The following PTPRO variants were observed in gnomAD, a reference collection of about 807,000 sequenced individuals.
The protein encoded by PTPRO is protein tyrosine phosphatase receptor type O.
In PTPRO, 62 loss-of-function variants were observed where a neutral mutation model predicts 145.2. The observed-to-expected ratio is 0.43, with a 90% confidence interval of 0.35 to 0.53. The LOEUF (loss-of-function observed/expected upper bound fraction) is 0.53. Ranked by LOEUF, PTPRO falls within the 20% of genes least tolerant of loss-of-function variation. PTPRO has a pLI of 0.01. For synonymous variants in PTPRO, 565 were observed against 514.7 expected, an observed-to-expected ratio of 1.10 and a Z score of -1.32; for missense variants, 1,345 against 1,482.7, an observed-to-expected ratio of 0.91 and a Z score of 1.53.
chr12:15,466,781 A>G (rs1941427240), intron 1 of PTPRO, among the ~76,000 whole-genome samples: 1 of 152,124 alleles, frequency 6.6e-6, no homozygotes. Context: ...TTAAATCACT[A>G]CTGTTTCCAC....
At chr12:15,487,638 C>T (rs1163857587) in intron 2 of PTPRO, among the ~76,000 whole-genome samples, 1 of 152,070 alleles carries the variant, frequency 6.6e-6, no homozygotes, top group Non-Finnish European at 1.5e-5. Flanking sequence ...CTCTGGTAGT[C>T]CTCATGAGCA....
intron 23 of PTPRO, among the ~76,000 whole-genome samples, chr12:15,582,711 TTTG>T (rs1565445321): frequency 6.6e-6 from 1 of 152,226 alleles, no homozygotes; most frequent in Non-Finnish European, 1.5e-5. Context: ...TGGGTTTTGT[TTTG>T]TTTTTTTTCT....
chr12:15,424,771 ATC>A (rs1940237933), intron 1 of PTPRO, among the ~76,000 whole-genome samples: 1 of 152,060 alleles, frequency 6.6e-6, no homozygotes. Context: ...CAGAGGAGAC[ATC>A]AGTTGATTTT....
chr12:15,403,747 C>T (rs189198262), intron 1 of PTPRO, among the ~76,000 whole-genome samples: 221 of 152,198 alleles, frequency 1.5e-3, no homozygotes, highest in African/African-American at 5.2e-3. Flanking sequence ...TGGTACTTAG[C>T]TCAATTTATA....
Position 15,589,478 on chromosome 12 carries a change from C to T in PTPRO, c.3434C>T (p.Thr1145Ile). 1 of 1,614,046 alleles carries T rather than the reference C, an allele frequency of 6.2e-7. No individual in the cohort carries two copies. Among genetic ancestry groups the T allele is most frequent in the Non-Finnish European group, 8.5e-7 (1 of 1,179,992 alleles). ...HCSAGVGRTGTFIALDRLLQH... is the reference protein window; with the variant it reads ...HCSAGVGRTGIFIALDRLLQH... ...AGTGCTGGCGTGGGACGGACAGGAA[C>T]ATTCATTGCCCTGGACAGGCTCTTG... The change falls in exon 25 of 27, where the codon ACA becomes ATA. Residue 1145 changes from threonine to isoleucine, a missense_variant. Coordinates refer to ENST00000281171, the MANE Select transcript of PTPRO (RefSeq NM_030667.3).
chr12:15,516,715 C>T, intron 8 of PTPRO, 48 bp from the exon 9 acceptor site: 1 of 1,505,758 alleles, frequency 6.6e-7, no homozygotes, highest in Non-Finnish European at 9.2e-7. Context: ...ATTGCTAAGA[C>T]ATTCCTTCTT....
chr12:15,490,902 T>G (rs2136451453), intron 2 of PTPRO, among the ~76,000 whole-genome samples: 1 of 152,326 alleles, frequency 6.6e-6, no homozygotes, highest in South Asian at 2.1e-4. Flanking sequence ...ATTGAAATTT[T>G]GAGCAGAAAT....
At chr12:15,398,080 A>T (rs1023357055) in intron 1 of PTPRO, among the ~76,000 whole-genome samples, 1 of 152,196 alleles carries the variant, frequency 6.6e-6, no homozygotes, top group African/African-American at 2.4e-5. Flanking sequence ...TGCTGCTCCC[A>T]TCTTTAATGT....
intron 12 of PTPRO, among the ~76,000 whole-genome samples, chr12:15,532,067 A>G (rs1366311781): frequency 6.6e-6 from 1 of 152,130 alleles, no homozygotes; most frequent in African/African-American, 2.4e-5. Context: ...TCCTCAATTT[A>G]CCCAGTAATT....
At chr12:15,517,597 G>A (rs543952038) in intron 9 of PTPRO, among the ~76,000 whole-genome samples, 3 of 152,258 alleles carry the variant, frequency 2.0e-5, no homozygotes, top group African/African-American at 7.2e-5. Flanking sequence ...TCAAAAGCAA[G>A]TTAGTTACTT....
chr12:15,528,138 A>T (rs1591689660), intron 12 of PTPRO, among the ~76,000 whole-genome samples: 3 of 152,068 alleles, frequency 2.0e-5, no homozygotes, highest in African/African-American at 7.2e-5. Flanking sequence ...TGATTCAGGG[A>T]GCTAAAAGCC....
intron 26 of PTPRO, 127 bp downstream of exon 26, chr12:15,595,184 A>G: frequency 4.2e-6 from 3 of 710,270 alleles, no homozygotes; most frequent in Non-Finnish European, 7.5e-6. Context: ...ATTTCTTCCC[A>G]GCTCCTGGCC....
chr12:15,478,020 T>C (rs1941695803), intron 1 of PTPRO, among the ~76,000 whole-genome samples: 1 of 152,172 alleles, frequency 6.6e-6, no homozygotes. Context: ...ACTCAGCTGC[T>C]CTGTGTTTCT....
At chr12:15,468,155 A>T (rs1157044792) in intron 1 of PTPRO, among the ~76,000 whole-genome samples, 1 of 152,018 alleles carries the variant, frequency 6.6e-6, no homozygotes, top group Admixed American at 6.6e-5. Context: ...AGGTTCCTCA[A>T]TTCACCCCAT....
At chr12:15,569,594 C>G (rs958588871) in intron 19 of PTPRO, 96 bp downstream of exon 19, 1 of 1,107,748 alleles carries the variant, frequency 9.0e-7, no homozygotes, top group Non-Finnish European at 1.4e-6. Flanking sequence ...ACTGGCAGTG[C>G]GTAACAAAAA....
chr12:15,423,631 A>G (rs1940205714), intron 1 of PTPRO, among the ~76,000 whole-genome samples: 1 of 152,206 alleles, frequency 6.6e-6, no homozygotes, highest in Non-Finnish European at 1.5e-5. Context: ...TGATTTATTC[A>G]CATCCATAAC....
chr12:15,331,205 T>G (rs1866598528), intron 1 of PTPRO, among the ~76,000 whole-genome samples: 1 of 152,032 alleles, frequency 6.6e-6, no homozygotes, highest in Non-Finnish European at 1.5e-5. Flanking sequence ...TCTAGGAAAT[T>G]TCAAGTGGAG....
intron 1 of PTPRO, among the ~76,000 whole-genome samples, chr12:15,359,980 T>C (rs957877975): frequency 2.0e-5 from 3 of 152,174 alleles, no homozygotes; most frequent in African/African-American, 7.2e-5. Flanking sequence ...GCTTTTCCTA[T>C]GTCTCAAGTG....
chr12:15,394,280 G>T (rs1260752697), intron 1 of PTPRO, among the ~76,000 whole-genome samples: 1 of 152,062 alleles, frequency 6.6e-6, no homozygotes, highest in African/African-American at 2.4e-5. Context: ...GAAAGCAGGA[G>T]ATTTAACATA....
Sources: gnomAD v4.1 joint callset for allele counts (sites outside exome capture counted in the v4.1 genomes callset) on GRCh38, gnomAD v4.1.1 for gene constraint, MANE v1.5 for transcripts, NCBI Gene and HGNC (gene_info 2026-07-23, HGNC 2026-07-21) for gene names.